NTPCR: variants seen among roughly 807,000 people sequenced by gnomAD.
NTPCR encodes the protein cancer-related nucleoside-triphosphatase.
In NTPCR, 15 loss-of-function variants were observed where a neutral mutation model predicts 19.5. That is an observed-to-expected ratio of 0.77 (90% CI 0.51 to 1.18). The LOEUF is 1.18. Ranked by LOEUF, NTPCR falls within the 50% of genes most tolerant of loss-of-function variation. The pLI is 0.00. For synonymous variants in NTPCR, 90 were observed against 95.8 expected (o/e 0.94, Z 0.36); for missense variants, 206 against 240.4 (o/e 0.86, Z 0.95).
chr1:232,976,325 T>C, intron 4 of NTPCR: 2 of 1,488,602 alleles, frequency 1.3e-6, no homozygotes, highest in African/African-American at 2.8e-5. Flanking sequence ...TACACTACCT[T>C]GTTATTTACT....
At chr1:232,960,219 A>C (rs1185245862) in intron 3 of NTPCR, among the ~76,000 whole-genome samples, 1 of 148,952 alleles carries the variant, frequency 6.7e-6, no homozygotes, top group Non-Finnish European at 1.5e-5. Context: ...ATCTCAAAAA[A>C]AAAAAAAAAA....
At chr1:232,956,183 A>G (rs964736113) in intron 2 of NTPCR, among the ~76,000 whole-genome samples, 164 bp from the exon 3 acceptor site, 2 of 152,108 alleles carry the variant, frequency 1.3e-5, no homozygotes, top group Non-Finnish European at 2.9e-5. Context: ...GCTCTGTTCA[A>G]AGCAGAGAAA....
chr1:232,961,940 T>G (rs1306724072), intron 3 of NTPCR: 4 of 152,226 alleles, frequency 2.6e-5, no homozygotes, highest in Non-Finnish European at 5.9e-5. Context: ...TCCATTGATC[T>G]GTTTGATCCT....
rs559330661 is a variant in NTPCR at position 232,978,480 on chromosome 1, G to A, written c.*249G>A. ...AAAGATTTCTTGTTTATTTCCTCTT[G>A]CAGTCATGCACATGATTTGGGTAAA... On this transcript the variant is annotated 3_prime_UTR_variant, in exon 5 of 5. Transcript: ENST00000366628. 2.5e-4 allele frequency: 98 copies of A among 389,706 alleles called. No homozygotes were observed. The highest frequency in any genetic ancestry group is 4.4e-4 in the Non-Finnish European group (94 of 213,750). The allele number at this position is 389,706 out of a possible 1,614,324, so 24.1% of individuals were successfully genotyped here. A position where few individuals can be genotyped will look rare whatever the true frequency, so the allele number is the denominator to read the frequency against.
At position 232,955,800 on chromosome 1, in the gene NTPCR, T is replaced by C. The variant is rs574712974; in HGVS notation, c.197+81T>C. 4.4e-6 allele frequency: 6 copies of C among 1,373,826 alleles called. No individual in the cohort carries two copies. The East Asian group carries it at 1.4e-4, about 32-fold the overall frequency. The allele number at this position is 1,373,826 out of a possible 1,614,324, so 85.1% of individuals were successfully genotyped here. On this transcript the variant is annotated intron_variant, in intron 2 of 4. Coordinates refer to ENST00000366628, the MANE Select transcript of NTPCR (RefSeq NM_032324.3). ...GCTTTGGGAGCTTTTCAACAAGAGC[T>C]AAATTCACCAAAAGCAGATACTCTG...
intron 3 of NTPCR, 54 bp from the exon 4 acceptor site, chr1:232,969,855 G>A: frequency 7.0e-7 from 1 of 1,426,756 alleles, no homozygotes; most frequent in Non-Finnish European, 9.9e-7. Flanking sequence ...GGACCCATGG[G>A]CCCTTTGATT....
At chr1:232,957,513 G>A (rs1319981468) in intron 3 of NTPCR, among the ~76,000 whole-genome samples, 3 of 152,046 alleles carry the variant, frequency 2.0e-5, no homozygotes, top group East Asian at 3.9e-4. Context: ...TTTTTATTTT[G>A]TAAGATTGGT....
rs1442486691 is a variant in NTPCR, at chr1:232,978,275, A to G, written c.*44A>G. The G allele has an allele frequency of 1.3e-6, 2 of 1,558,054 alleles. No individual in the cohort carries two copies. Among genetic ancestry groups the G allele is most frequent in the Non-Finnish European group, 1.8e-6 (2 of 1,130,652 alleles). The stretch of plus-strand genomic sequence containing the variant: ...CTTCCGTGAAGGAGTGCCCAGTTCA[A>G]GAGGAGCCTGATGGAGCCCTGCCTG... On this transcript the variant is annotated 3_prime_UTR_variant, in exon 5 of 5. Transcript: ENST00000366628.
Position 232,956,392 on chromosome 1 carries a change from T to C in NTPCR, c.243T>C (p.Tyr81=), listed in dbSNP as rs771332067. ...PGKRECRVGQ[Y]VVDLTSFEQL... is the part of the protein sequence containing the mutation. ...AACGTGAATGCCGAGTTGGGCAGTATGTGGTCGACCTGACTTCTTTTGAGC... is the reference window on the plus strand; with the variant it reads ...AACGTGAATGCCGAGTTGGGCAGTACGTGGTCGACCTGACTTCTTTTGAGC... Residue 81 remains tyrosine, a synonymous_variant, in exon 3 of 5, where the codon TAT becomes TAC. Transcript: ENST00000366628. 2 of 1,613,918 alleles carry C rather than the reference T, an allele frequency of 1.2e-6. No homozygotes were observed. The highest frequency in any genetic ancestry group is 1.7e-5 in the Admixed American group (1 of 60,012).
At chr1:232,956,557 C>T (rs1317956223) in intron 3 of NTPCR, 114 bp downstream of exon 3, 13 of 697,148 alleles carry the variant, frequency 1.9e-5, no homozygotes, top group African/African-American at 3.6e-5. Context: ...TTGCATTTTA[C>T]AATTGAAAAG....
chr1:232,966,869 G>A (rs925767415), intron 3 of NTPCR: 4 of 152,512 alleles, frequency 2.6e-5, no homozygotes, highest in African/African-American at 9.6e-5. Flanking sequence ...GTTGTTCTCT[G>A]AGGAGAGGCT....
Position 232,955,541 on chromosome 1 carries a change from T to TTTA in NTPCR, c.35-14_35-13insATT. On this transcript the variant is annotated splice_polypyrimidine_tract_variant and intron_variant, in intron 1 of 4. Transcript: ENST00000366628. ...AATGGGCTTTTCTTCTTTTTTTTTT[T>TTTA]TTTTTTTTATTTTAGGAGTTGGAAA... 1 of 1,489,594 alleles carries TTTA rather than the reference T, an allele frequency of 6.7e-7. No individual in the cohort carries two copies. The highest frequency in any genetic ancestry group is 2.7e-5 in the Admixed American group (1 of 36,648). 92.3% of individuals were successfully genotyped at this position (1,489,594 alleles called of 1,614,324 possible). A position where few individuals can be genotyped will look rare whatever the true frequency, so the allele number is the denominator to read the frequency against.
chr1:232,960,407 C>T (rs766701152), intron 3 of NTPCR, among the ~76,000 whole-genome samples: 24 of 151,074 alleles, frequency 1.6e-4, no homozygotes, highest in Non-Finnish European at 2.4e-4. Flanking sequence ...GCAGTGGCGC[C>T]ATCTCAGCTC....
chr1:232,964,217 C>T (rs963967332), intron 3 of NTPCR: 5 of 152,096 alleles, frequency 3.3e-5, no homozygotes, highest in African/African-American at 1.2e-4. Flanking sequence ...AATATAGTTC[C>T]AATTTAAAAG....
rs1041057526 is a variant in NTPCR, at chr1:232,981,532, T to A, written c.*3301T>A. On this transcript the variant is annotated 3_prime_UTR_variant, in exon 5 of 5. Coordinates refer to ENST00000366628, the MANE Select transcript of NTPCR (RefSeq NM_032324.3). ...GTAAACAGGCATTGCATTGCACATT[T>A]TGTGGGCAAAGAAGTTGAAGCATCG... 2.0e-5 allele frequency: 3 copies of A among 152,160 alleles called. No individual in the cohort carries two copies. The highest frequency in any genetic ancestry group is 7.2e-5 in the African/African-American group (3 of 41,422). 9.4% of individuals were successfully genotyped at this position (152,160 alleles called of 1,614,324 possible). A position where few individuals can be genotyped will look rare whatever the true frequency, so the allele number is the denominator to read the frequency against.
chr1:232,969,397 C>G (rs139129864), intron 3 of NTPCR: 1 of 155,016 alleles, frequency 6.5e-6, no homozygotes, highest in Non-Finnish European at 1.4e-5. Context: ...AGCATGGGAG[C>G]CTTTGTTGAT....
Position 232,982,890 on chromosome 1 carries a change from A to C in NTPCR, c.*4659A>C, listed in dbSNP as rs1475430010. 6.6e-6 allele frequency: 1 copy of C among 152,202 alleles called. No homozygotes were observed. The highest frequency in any genetic ancestry group is 2.4e-5 in the African/African-American group (1 of 41,454). The allele number at this position is 152,202 out of a possible 1,614,324, so 9.4% of individuals were successfully genotyped here. A position where few individuals can be genotyped will look rare whatever the true frequency, so the allele number is the denominator to read the frequency against. ...AGAGGATTACAGGAGCTGCCAGCCA[A>C]GTTTAATTTGGCCACCTTAGAGAAC... On this transcript the variant is annotated 3_prime_UTR_variant, in exon 5 of 5. Transcript: ENST00000366628.
chr1:232,955,324 C>T lies in NTPCR; in HGVS notation c.35-233C>T, dbSNP rs572340191. 1.1e-4 allele frequency among the ~76,000 whole-genome samples: 16 copies of T among 152,248 alleles called. No individual in the cohort carries two copies. In the South Asian group the frequency reaches 3.3e-3, roughly 32 times the overall value. ...CAATGTTTCACAATTTAAAAATAAA[C>T]CTCAAGATATCATTCGTGTTTTTAT... On this transcript the variant is annotated intron_variant, in intron 1 of 4. Coordinates refer to ENST00000366628, the MANE Select transcript of NTPCR (RefSeq NM_032324.3).
chr1:232,976,156 T>C, intron 4 of NTPCR: 1 of 543,400 alleles, frequency 1.8e-6, no homozygotes, highest in Non-Finnish European at 2.8e-6. Flanking sequence ...TAATTTGTAA[T>C]TGATATAATG....
Sources: allele counts gnomAD v4.1 joint callset (sites outside exome capture counted in the v4.1 genomes callset), GRCh38; gene constraint gnomAD v4.1.1; transcripts MANE v1.5; gene names NCBI Gene and HGNC (gene_info 2026-07-23, HGNC 2026-07-21).